MROH7: variants seen among roughly 807,000 people sequenced by gnomAD.
MROH7 encodes maestro heat like repeat family member 7, also known as maestro heat-like repeat-containing protein family member 7.
A neutral mutation model predicts 129.2 loss-of-function variants in MROH7; 113 were observed. The observed-to-expected ratio is 0.87, with a 90% CI of 0.75 to 1.02. The LOEUF (loss-of-function observed/expected upper bound fraction) is 1.02. Ranked by LOEUF, MROH7 falls within the 50% of genes least tolerant of loss-of-function variation. The pLI is 0.00. For missense variants in MROH7, 1,601 were observed against 1,671.3 expected (o/e 0.96, Z 0.73); for synonymous variants, 655 against 667.9 (o/e 0.98, Z 0.30).
intron 3 of MROH7, among the ~76,000 whole-genome samples, chr1:54,654,691 C>T (rs962008996): frequency 3.4e-5 from 5 of 148,296 alleles, no homozygotes; most frequent in African/African-American, 1.2e-4. Flanking sequence ...AAAAAAAAAT[C>T]ACTGTATAAT....
At chr1:54,680,135 GC>G in intron 13 of MROH7, 90 bp downstream of exon 13, 1 of 1,247,850 alleles carries the variant, frequency 8.0e-7, no homozygotes, top group Non-Finnish European at 1.1e-6. Context: ...GCCCAGATAA[GC>G]CCCTCGCCCT....
chr1:54,696,713 C>T (rs1187065843), intron 17 of MROH7, among the ~76,000 whole-genome samples: 1 of 130,860 alleles, frequency 7.6e-6, no homozygotes, highest in Admixed American at 8.4e-5. Context: ...TCTCTGTTGC[C>T]CAGGTTGGAG....
Position 54,695,503 on chromosome 1 carries a change from G to A in MROH7, c.2964+13G>A, listed in dbSNP as rs761007282. ...CTTCTTCGTGGAGGTACCAACGGGGGCAGCGGGTACACAGCGGGAGCTCCT... is the reference window on the plus strand; with the variant it reads ...CTTCTTCGTGGAGGTACCAACGGGGACAGCGGGTACACAGCGGGAGCTCCT... On this transcript the variant is annotated intron_variant, in intron 17 of 23. Coordinates refer to ENST00000421030, the MANE Select transcript of MROH7 (RefSeq NM_001039464.4). 5 of 1,583,752 alleles carry A rather than the reference G, an allele frequency of 3.2e-6. No individual in the cohort carries two copies. Among genetic ancestry groups the A allele is most frequent in the Non-Finnish European group, 4.3e-6 (5 of 1,154,236 alleles).
intron 17 of MROH7, chr1:54,697,662 G>C (rs753646332): frequency 2.8e-6 from 2 of 703,230 alleles, no homozygotes; most frequent in Non-Finnish European, 5.2e-6. Context: ...GCAACCCTGC[G>C]AAGAAGGAAT....
chr1:54,682,257 C>A (rs1300879288), intron 13 of MROH7, among the ~76,000 whole-genome samples: 3 of 151,466 alleles, frequency 2.0e-5, no homozygotes, highest in Non-Finnish European at 4.4e-5. Flanking sequence ...CTCTGCCTCC[C>A]GGGTTCAAGC....
intron 13 of MROH7, among the ~76,000 whole-genome samples, chr1:54,682,160 CTTTTTTTTTT>C (rs36109984): frequency 7.4e-6 from 1 of 134,964 alleles, no homozygotes; most frequent in Non-Finnish European, 1.6e-5. Context: ...TTCTTTCTTT[CTTTTTTTTTT>C]TTTTTTTGAA....
chr1:54,644,164 C>T (rs1320337756), intron 1 of MROH7, among the ~76,000 whole-genome samples: 1 of 144,242 alleles, frequency 6.9e-6, no homozygotes, highest in African/African-American at 2.6e-5. Flanking sequence ...CTCTTTTCTC[C>T]TTCTGGAACT....
intron 1 of MROH7, among the ~76,000 whole-genome samples, chr1:54,648,492 A>G (rs992411846): frequency 1.3e-5 from 2 of 151,758 alleles, no homozygotes; most frequent in African/African-American, 4.8e-5. Context: ...CAGCCTCCCA[A>G]GTAGCTGGGA....
At chr1:54,699,168 T>TG in intron 17 of MROH7, 1 of 122,062 alleles carries the variant, frequency 8.2e-6, no homozygotes, top group African/African-American at 3.2e-5. Context: ...CTTTTCTTTC[T>TG]TTCTTTCTTT....
At chr1:54,667,153 C>A (rs577293170) in intron 4 of MROH7, among the ~76,000 whole-genome samples, 11 of 152,298 alleles carry the variant, frequency 7.2e-5, no homozygotes, top group African/African-American at 2.4e-4. Context: ...CAGGCCTTCC[C>A]CCTAGTTCTT....
intron 10 of MROH7, among the ~76,000 whole-genome samples, chr1:54,677,437 AAAAC>A (rs916043053): frequency 1.2e-4 from 19 of 152,194 alleles, no homozygotes; most frequent in South Asian, 1.2e-3. Flanking sequence ...AAACAAAACA[AAAAC>A]AAACAAAAAA....
At chr1:54,700,645 A>G (rs932174743) in intron 18 of MROH7, among the ~76,000 whole-genome samples, 184 bp downstream of exon 18, 4 of 152,230 alleles carry the variant, frequency 2.6e-5, no homozygotes, top group African/African-American at 9.6e-5. Flanking sequence ...ATTCCTTTTG[A>G]ATAGTTTCTA....
At chr1:54,658,308 G>T (rs541008501) in intron 3 of MROH7, among the ~76,000 whole-genome samples, 2 of 152,048 alleles carry the variant, frequency 1.3e-5, no homozygotes, top group East Asian at 3.9e-4. Flanking sequence ...TTATTTCTGG[G>T]TACTCTATTT....
chr1:54,670,156 C>G (rs1205876244), intron 5 of MROH7, among the ~76,000 whole-genome samples: 1 of 151,936 alleles, frequency 6.6e-6, no homozygotes, highest in East Asian at 1.9e-4. Context: ...TTGCTTTGGA[C>G]CAGTTCCATA....
intron 16 of MROH7, 89 bp from the exon 17 acceptor site, chr1:54,695,287 C>T (rs1009485019): frequency 3.6e-5 from 25 of 699,050 alleles, no homozygotes; most frequent in Admixed American, 3.3e-4. Flanking sequence ...CTGGCTTACC[C>T]AGGATTTCCA....
chr1:54,670,836 G>T lies in MROH7; in HGVS notation c.1506G>T (p.Ser502=). Residue 502 remains serine, a synonymous_variant, in exon 7 of 24, where the codon TCG becomes TCT. Coordinates refer to ENST00000421030, the MANE Select transcript of MROH7 (RefSeq NM_001039464.4). The stretch of plus-strand genomic sequence containing the variant: ...CCACCCTGGGCATGCGGGAGAGGTC[G>T]GAGCTGGTGAACGTGTGTGTGCACA... The part of the protein sequence containing the change: ...TQPTLGMRER[S]ELVNVCVHSV... 2 of 1,614,058 alleles carry T rather than the reference G, an allele frequency of 1.2e-6. No individual in the cohort carries two copies. The highest frequency in any genetic ancestry group is 1.7e-6 in the Non-Finnish European group (2 of 1,179,986).
intron 10 of MROH7, among the ~76,000 whole-genome samples, chr1:54,677,073 G>C (rs1488592935): frequency 6.6e-6 from 1 of 151,942 alleles, no homozygotes; most frequent in East Asian, 2.0e-4. Flanking sequence ...ACTCCTGGGC[G>C]CAAGTGAACC....
chr1:54,643,160 A>G (rs992610287), intron 1 of MROH7, among the ~76,000 whole-genome samples: 1 of 152,234 alleles, frequency 6.6e-6, no homozygotes, highest in Non-Finnish European at 1.5e-5. Flanking sequence ...CCTCTGATAC[A>G]GAGTGATCAC....
At position 54,709,892 on chromosome 1, in the gene MROH7, C is replaced by T. The variant is rs143923128; in HGVS notation, c.3731-54C>T. The T allele has an allele frequency of 2.2e-5, 35 of 1,581,784 alleles. No homozygotes were observed. The African/African-American group carries it at 4.4e-4, about 20-fold the overall frequency. ...GAGATGGGAAGGATTAGGTATGAGA[C>T]CCACATAGGGCCCTGGGTCTTAATA... is the stretch of plus-strand genomic sequence containing the variant. On this transcript the variant is annotated intron_variant, in intron 23 of 23. Coordinates refer to ENST00000421030, the MANE Select transcript of MROH7 (RefSeq NM_001039464.4).
Sources: gnomAD v4.1 joint callset for allele counts (sites outside exome capture counted in the v4.1 genomes callset) on GRCh38, gnomAD v4.1.1 for gene constraint, MANE v1.5 for transcripts, NCBI Gene and HGNC (gene_info 2026-07-23, HGNC 2026-07-21) for gene names.